CABCOCO1: variants seen among roughly 807,000 people sequenced by gnomAD.
CABCOCO1 encodes ciliary-associated calcium-binding coiled-coil protein 1.
In CABCOCO1, 28 loss-of-function variants were observed where a neutral mutation model predicts 35.7. The ratio of observed to expected loss-of-function variants is 0.78; its 90% CI spans 0.58 to 1.07. The LOEUF (loss-of-function observed/expected upper bound fraction) is 1.07, where lower values mean the gene tolerates loss of function less well. Ranked by LOEUF, CABCOCO1 falls within the 50% of genes least tolerant of loss-of-function variation. The pLI is 0.00. For synonymous variants in CABCOCO1, 95 were observed against 100.1 expected, an observed-to-expected ratio of 0.95 and a Z score of 0.30; for missense variants, 326 against 309.2, an observed-to-expected ratio of 1.05 and a Z score of -0.41.
chr10:61,668,821 AACTC>A (rs35589196), intron 1 of CABCOCO1, among the ~76,000 whole-genome samples: 19,695 of 151,584 alleles, frequency 0.13, 1,535 homozygotes, highest in East Asian at 0.2. Flanking sequence ...AGTGCCAAAA[AACTC>A]AGTAATCAAG....
At chr10:61,733,837 A>G (rs1235317582) in intron 5 of CABCOCO1, among the ~76,000 whole-genome samples, 1 of 152,066 alleles carries the variant, frequency 6.6e-6, no homozygotes, top group Non-Finnish European at 1.5e-5. Flanking sequence ...AGAGAGCATA[A>G]TCAGTTCCTG....
At chr10:61,678,610 G>T (rs1297980080) in intron 2 of CABCOCO1, among the ~76,000 whole-genome samples, 4 of 151,990 alleles carry the variant, frequency 2.6e-5, no homozygotes, top group African/African-American at 9.7e-5. Context: ...TGGAGTCAAG[G>T]TCTAAATAGT....
intron 7 of CABCOCO1, among the ~76,000 whole-genome samples, chr10:61,762,208 TA>T (rs1216673363): frequency 1.3e-5 from 2 of 152,146 alleles, no homozygotes; most frequent in African/African-American, 4.8e-5. Flanking sequence ...TACCAGACAG[TA>T]ACTGAATTGT....
intron 5 of CABCOCO1, among the ~76,000 whole-genome samples, chr10:61,692,619 G>A (rs1032385707): frequency 1.3e-5 from 2 of 152,050 alleles, no homozygotes; most frequent in African/African-American, 2.4e-5. Flanking sequence ...GTTATTCTGG[G>A]ATTTATAAAT....
At chr10:61,725,211 A>G (rs139832419) in intron 5 of CABCOCO1, among the ~76,000 whole-genome samples, 1 of 152,192 alleles carries the variant, frequency 6.6e-6, no homozygotes, top group African/African-American at 2.4e-5. Context: ...CAATTCCTCA[A>G]GGATCTAGAA....
chr10:61,736,061 C>T (rs1330970852), intron 5 of CABCOCO1, among the ~76,000 whole-genome samples: 2 of 152,114 alleles, frequency 1.3e-5, no homozygotes, highest in East Asian at 1.9e-4. Flanking sequence ...GAATATTAGA[C>T]ATTTGTCAGA....
intron 5 of CABCOCO1, among the ~76,000 whole-genome samples, chr10:61,755,046 G>A (rs1182774154): frequency 1.3e-5 from 2 of 152,156 alleles, no homozygotes; most frequent in African/African-American, 4.8e-5. Context: ...GAGGACTCTT[G>A]TTAGCAGAAT....
intron 7 of CABCOCO1, among the ~76,000 whole-genome samples, chr10:61,763,997 T>C (rs1370824359): frequency 6.6e-6 from 1 of 152,066 alleles, no homozygotes; most frequent in Non-Finnish European, 1.5e-5. Context: ...TACTCACCTC[T>C]GTCAGTATGC....
chr10:61,679,308 T>TATC (rs1263410091), intron 2 of CABCOCO1, among the ~76,000 whole-genome samples: 1 of 126,682 alleles, frequency 7.9e-6, no homozygotes, highest in Non-Finnish European at 1.7e-5. Flanking sequence ...TCTATATCTA[T>TATC]ATCTATATCT....
chr10:61,759,922 T>C (rs1221435898), intron 5 of CABCOCO1, 137 bp from the exon 6 acceptor site: 6 of 1,100,062 alleles, frequency 5.5e-6, no homozygotes, highest in African/African-American at 1.6e-5. Flanking sequence ...AAAAGGGCAA[T>C]GGCATCAAAA....
chr10:61,681,062 A>G, intron 2 of CABCOCO1, 81 bp from the exon 3 acceptor site: 3 of 780,130 alleles, frequency 3.8e-6, no homozygotes, highest in Non-Finnish European at 5.2e-6. Context: ...TTAAAGAAAA[A>G]GACCTGTTTT....
At chr10:61,724,830 G>T (rs894976797) in intron 5 of CABCOCO1, among the ~76,000 whole-genome samples, 2 of 152,172 alleles carry the variant, frequency 1.3e-5, no homozygotes, top group African/African-American at 4.8e-5. Flanking sequence ...CAGTAGGGGG[G>T]AGGGATAGCA....
chr10:61,678,566 A>G (rs1185853776), intron 2 of CABCOCO1, among the ~76,000 whole-genome samples: 1 of 152,120 alleles, frequency 6.6e-6, no homozygotes, highest in Non-Finnish European at 1.5e-5. Flanking sequence ...ATGACATAAC[A>G]GGAAATTCAG....
At chr10:61,691,044 C>A (rs1049773773) in intron 5 of CABCOCO1, among the ~76,000 whole-genome samples, 3 of 151,998 alleles carry the variant, frequency 2.0e-5, no homozygotes, top group Admixed American at 6.6e-5. Context: ...ATTTAGATCC[C>A]ACTTCCTCAG....
chr10:61,722,680 TAA>T (rs374278778), intron 5 of CABCOCO1, among the ~76,000 whole-genome samples: 1 of 146,000 alleles, frequency 6.8e-6, no homozygotes, highest in African/African-American at 2.5e-5. Flanking sequence ...TTGCTTCTTC[TAA>T]AAAAAAAACT....
At chr10:61,705,015 C>A (rs1190512074) in intron 5 of CABCOCO1, among the ~76,000 whole-genome samples, 1 of 151,984 alleles carries the variant, frequency 6.6e-6, no homozygotes, top group Non-Finnish European at 1.5e-5. Context: ...ATAGTATAAG[C>A]AAACTTCAAA....
rs772324361 is a variant in CABCOCO1 at position 61,760,159 on chromosome 10, C to T, written c.653C>T (p.Thr218Ile). 1 of 1,611,590 alleles carries T rather than the reference C, an allele frequency of 6.2e-7. No individual in the cohort carries two copies. The highest frequency in any genetic ancestry group is 8.5e-7 in the Non-Finnish European group (1 of 1,178,116). Residue 218 changes from threonine (T) to isoleucine (I), a missense_variant, in exon 6 of 8, where the codon ACA (threonine) becomes ATA (isoleucine). By Grantham distance (89) the Thr-to-Ile change is moderately conservative (BLOSUM62 -1). Transcript: ENST00000648843. ...TATTCAACATTCATAGAGCCCCCCA[C>T]AATATTGGATACGGAAATGAAGGTA... ...DIYSTFIEPP[T>I]ILDTEMKRLD...
At chr10:61,710,869 CTG>C (rs760904610) in intron 5 of CABCOCO1, among the ~76,000 whole-genome samples, 6 of 151,966 alleles carry the variant, frequency 3.9e-5, no homozygotes, top group Non-Finnish European at 7.4e-5. Context: ...ATCTGATACT[CTG>C]TGACAGCTTT....
intron 5 of CABCOCO1, among the ~76,000 whole-genome samples, chr10:61,718,216 A>G (rs1840914959): frequency 6.6e-6 from 1 of 152,066 alleles, no homozygotes; most frequent in African/African-American, 2.4e-5. Flanking sequence ...CCATAAAGAG[A>G]TTATTATTTT....
Sources: allele counts gnomAD v4.1 joint callset (sites outside exome capture counted in the v4.1 genomes callset), GRCh38; gene constraint gnomAD v4.1.1; transcripts MANE v1.5; gene names NCBI Gene and HGNC (gene_info 2026-07-23, HGNC 2026-07-21).